Variants in SDHAF3 observed in about 807,000 individuals in gnomAD.
SDHAF3 encodes the protein succinate dehydrogenase assembly factor 3, mitochondrial.
Under a neutral mutation model 11.5 loss-of-function variants are expected in SDHAF3, and 18 were observed. The observed-to-expected ratio is 1.56, with a 90% CI of 1.08 to 2.32. SDHAF3 has a LOEUF of 2.32. Ranked by LOEUF, SDHAF3 falls within the 30% of genes most tolerant of loss-of-function variation. SDHAF3 has a pLI of 0.00. For synonymous variants in SDHAF3, 72 were observed against 59.3 expected (o/e 1.21, Z -0.99); for missense variants, 200 against 154.4 (o/e 1.30, Z -1.57).
intron 1 of SDHAF3, among the ~76,000 whole-genome samples, chr7:97,128,255 C>T (rs565754935): frequency 7.1e-4 from 108 of 152,256 alleles, no homozygotes; most frequent in Non-Finnish European, 1.4e-3. Context: ...ACAGTTTATC[C>T]TTGCAACATA....
intron 1 of SDHAF3, among the ~76,000 whole-genome samples, chr7:97,171,735 ATTATCT>A (rs1363174115): frequency 1.3e-5 from 2 of 152,196 alleles, no homozygotes; most frequent in Admixed American, 1.3e-4. Flanking sequence ...GAGGCAACTA[ATTATCT>A]TTATTTACAG....
At chr7:97,128,078 A>G (rs958748119) in intron 1 of SDHAF3, among the ~76,000 whole-genome samples, 1 of 151,716 alleles carries the variant, frequency 6.6e-6, no homozygotes, top group Non-Finnish European at 1.5e-5. Context: ...TTATATTTTT[A>G]GTAGAGATGG....
intron 1 of SDHAF3, among the ~76,000 whole-genome samples, chr7:97,128,223 G>A (rs1319148921): frequency 1.3e-5 from 2 of 152,142 alleles, no homozygotes; most frequent in African/African-American, 4.8e-5. Flanking sequence ...GGTTTAAAAA[G>A]GGGTACAAGA....
Position 97,126,386 on chromosome 7 carries a change from A to AAC in SDHAF3, c.174+8491_174+8492dup, listed in dbSNP as rs1271850378. Among the ~76,000 whole-genome samples the AAC allele has an allele frequency of 5.9e-5, 9 of 152,212 alleles. No homozygotes were observed. In the South Asian group the frequency reaches 1.7e-3, roughly 28 times the overall value. ...GCTCTCTTCAGAGCCGTCAGGCAGGAACATTTAAGTCTGCTGAAGTTGTGC... is the reference window on the plus strand; with the variant it reads ...GCTCTCTTCAGAGCCGTCAGGCAGGAACACATTTAAGTCTGCTGAAGTTGTGC... On this transcript the variant is annotated intron_variant, in intron 1 of 1. Coordinates refer to ENST00000432641, the MANE Select transcript of SDHAF3 (RefSeq NM_020186.3).
intron 1 of SDHAF3, among the ~76,000 whole-genome samples, chr7:97,134,656 A>G (rs993168947): frequency 5.3e-5 from 8 of 152,200 alleles, no homozygotes; most frequent in African/African-American, 1.9e-4. Flanking sequence ...TATGTTGGCC[A>G]GGCTGGTCTT....
intron 1 of SDHAF3, among the ~76,000 whole-genome samples, chr7:97,154,836 G>T (rs1789278079): frequency 6.6e-6 from 1 of 152,020 alleles, no homozygotes. Context: ...TTTAGGTCAA[G>T]GTTTATTTAT....
At chr7:97,158,817 A>G (rs1789350778) in intron 1 of SDHAF3, among the ~76,000 whole-genome samples, 1 of 152,214 alleles carries the variant, frequency 6.6e-6, no homozygotes, top group Non-Finnish European at 1.5e-5. Flanking sequence ...GGAACAAACT[A>G]TTTCATTCTG....
intron 1 of SDHAF3, among the ~76,000 whole-genome samples, chr7:97,128,765 G>A (rs1231564416): frequency 6.6e-6 from 1 of 152,096 alleles, no homozygotes; most frequent in Non-Finnish European, 1.5e-5. Context: ...GTAGTTTATG[G>A]TTGCTTAATA....
intron 1 of SDHAF3, 84 bp from the exon 2 acceptor site, chr7:97,180,927 GT>G: frequency 8.6e-7 from 1 of 1,169,370 alleles, no homozygotes; most frequent in Non-Finnish European, 1.2e-6. Context: ...GGAAAAATAG[GT>G]GACTCAGAAT....
In SDHAF3 at chr7:97,172,124, TC is replaced by T. The variant is rs1789609362; in HGVS notation, c.175-8887del. Among the ~76,000 whole-genome samples the T allele has an allele frequency of 2.0e-5, 3 of 152,294 alleles. No homozygotes were observed. The South Asian group carries it at 6.2e-4, about 32-fold the overall frequency. On this transcript the variant is annotated intron_variant, in intron 1 of 1. Coordinates refer to ENST00000432641, the MANE Select transcript of SDHAF3 (RefSeq NM_020186.3). ...TATGAAAAACTATTCTTCAAAAGTT[TC>T]TGGCCATCCTTTCAGCCTCTGTTTA...
intron 1 of SDHAF3, among the ~76,000 whole-genome samples, chr7:97,156,590 G>C (rs1789304317): frequency 6.6e-6 from 1 of 152,126 alleles, no homozygotes; most frequent in Non-Finnish European, 1.5e-5. Flanking sequence ...ATATCAAACT[G>C]TAGCACATAT....
chr7:97,163,061 G>A (rs1274582328), intron 1 of SDHAF3, among the ~76,000 whole-genome samples: 3 of 151,320 alleles, frequency 2.0e-5, no homozygotes, highest in Non-Finnish European at 4.4e-5. Context: ...CTTGTTTTAT[G>A]AATTTGGGTG....
chr7:97,121,841 G>T (rs867794330), intron 1 of SDHAF3, among the ~76,000 whole-genome samples: 62 of 135,788 alleles, frequency 4.6e-4, no homozygotes, highest in Middle Eastern at 4.1e-3. Context: ...AGGTTTTTTG[G>T]TTTTTTTTTT....
chr7:97,136,486 A>C (rs1791772242), intron 1 of SDHAF3: 13 of 620,738 alleles, frequency 2.1e-5, no homozygotes. Context: ...GACCTGCCAG[A>C]TTATTTTAGT....
At position 97,118,881 on chromosome 7, in the gene SDHAF3, T is replaced by A. The variant is rs140803642; in HGVS notation, c.174+984T>A. Among the ~76,000 whole-genome samples, 455 of 152,312 alleles carry A rather than the reference T, an allele frequency of 3.0e-3. 2 individuals carry two copies. Among genetic ancestry groups the A allele is most frequent in the African/African-American group, 0.01 (426 of 41,548 alleles). ...ATTATTGAAGCTTTTAAGAGCGACA[T>A]TTAGAACAATCGGGAAATTTAGAAC... On this transcript the variant is annotated intron_variant, in intron 1 of 1. Transcript: ENST00000432641.
intron 1 of SDHAF3, among the ~76,000 whole-genome samples, chr7:97,149,440 A>G (rs1789184416): frequency 6.6e-6 from 1 of 152,188 alleles, no homozygotes; most frequent in Admixed American, 6.5e-5. Context: ...GATTTGTACT[A>G]TATACTAAAT....
chr7:97,164,371 G>T (rs1584230225), intron 1 of SDHAF3, among the ~76,000 whole-genome samples: 1 of 149,006 alleles, frequency 6.7e-6, no homozygotes, highest in Non-Finnish European at 1.5e-5. Flanking sequence ...AAGGTGTATT[G>T]GTTCATAGTT....
chr7:97,141,581 G>A (rs1016951888), intron 1 of SDHAF3, among the ~76,000 whole-genome samples: 7 of 152,078 alleles, frequency 4.6e-5, no homozygotes, highest in African/African-American at 1.7e-4. Context: ...TCTGGCGCCC[G>A]ATGTGGGGCT....
At chr7:97,156,092 G>A (rs1208989104) in intron 1 of SDHAF3, among the ~76,000 whole-genome samples, 1 of 151,946 alleles carries the variant, frequency 6.6e-6, no homozygotes, top group Non-Finnish European at 1.5e-5. Flanking sequence ...ATTAACTTAG[G>A]TCATTAGCCT....
Sources: allele counts gnomAD v4.1 joint callset (sites outside exome capture counted in the v4.1 genomes callset), GRCh38; gene constraint gnomAD v4.1.1; transcripts MANE v1.5; gene names NCBI Gene and HGNC (gene_info 2026-07-23, HGNC 2026-07-21).